Variants in KLHL32 observed in about 807,000 individuals in gnomAD.
KLHL32 encodes kelch like family member 32.
Under a neutral mutation model 64.8 loss-of-function variants are expected in KLHL32, and 35 were observed. That is an observed-to-expected ratio of 0.54 (90% confidence interval 0.41 to 0.72). KLHL32 has a LOEUF of 0.72. Ranked by LOEUF, KLHL32 falls within the 30% of genes least tolerant of loss-of-function variation. The pLI, the probability that KLHL32 is intolerant of heterozygous loss-of-function variation, is 0.00. For missense variants in KLHL32, 589 were observed against 768.5 expected, an observed-to-expected ratio of 0.77 and a Z score of 2.76; for synonymous variants, 259 against 281.0, an observed-to-expected ratio of 0.92 and a Z score of 0.78.
At chr6:97,124,323 A>G (rs189300333) in intron 7 of KLHL32, among the ~76,000 whole-genome samples, 1 of 152,190 alleles carries the variant, frequency 6.6e-6, no homozygotes, top group African/African-American at 2.4e-5. Context: ...CCAACTAGTA[A>G]CTTAATATCT....
In KLHL32 at chr6:97,139,245, C is replaced by T; in HGVS notation, c.1826C>T (p.Thr609Ile). 1.2e-6 allele frequency: 2 copies of T among 1,614,072 alleles called. No individual in the cohort carries two copies. The highest frequency in any genetic ancestry group is 1.3e-5 in the African/African-American group (1 of 75,050). Residue 609 changes from threonine (T) to isoleucine (I), a missense_variant, in exon 11 of 11, where the codon ACT becomes ATT. Thr to Ile is a moderately conservative substitution (Grantham distance 89, BLOSUM62 -1). Transcript: ENST00000369261. ...APYFTCPNLQ[T>I]LQVPHHRIGT... ...TATTTTACATGCCCTAACCTTCAAA[C>T]TCTTCAAGTGCCTCATCACAGGATT...
chr6:97,013,529 C>G (rs1193934281), intron 3 of KLHL32, among the ~76,000 whole-genome samples: 1 of 152,162 alleles, frequency 6.6e-6, no homozygotes. Flanking sequence ...TCACCCTGCT[C>G]TCCCCACCAC....
At chr6:97,015,236 A>G (rs535279182) in intron 3 of KLHL32, among the ~76,000 whole-genome samples, 1 of 152,314 alleles carries the variant, frequency 6.6e-6, no homozygotes, top group African/African-American at 2.4e-5. Context: ...CAGTACAGGA[A>G]ATTGATACTG....
intron 1 of KLHL32, among the ~76,000 whole-genome samples, chr6:96,953,858 T>C (rs1316056782): frequency 2.0e-5 from 3 of 151,788 alleles, no homozygotes; most frequent in Non-Finnish European, 4.4e-5. Context: ...AGTTGTCTTT[T>C]TTTTTTTTTG....
intron 6 of KLHL32, among the ~76,000 whole-genome samples, chr6:97,103,199 A>C (rs1248516712): frequency 6.7e-6 from 1 of 150,038 alleles, no homozygotes; most frequent in African/African-American, 2.5e-5. Context: ...CAATTTACTA[A>C]AACTTGAATT....
intron 3 of KLHL32, among the ~76,000 whole-genome samples, chr6:97,015,935 A>G (rs1426823707): frequency 6.6e-6 from 1 of 152,236 alleles, no homozygotes; most frequent in East Asian, 1.9e-4. Flanking sequence ...TTCAGAGGGC[A>G]CAAGCTCCAA....
intron 4 of KLHL32, among the ~76,000 whole-genome samples, chr6:97,058,032 T>C (rs932212133): frequency 2.6e-5 from 4 of 152,186 alleles, no homozygotes; most frequent in Non-Finnish European, 5.9e-5. Flanking sequence ...ATCTATAATA[T>C]TATCTATGCT....
At chr6:97,084,966 G>A (rs1793161921) in intron 5 of KLHL32, among the ~76,000 whole-genome samples, 160 bp from the exon 6 acceptor site, 1 of 151,944 alleles carries the variant, frequency 6.6e-6, no homozygotes, top group Non-Finnish European at 1.5e-5. Flanking sequence ...TCTCTATGCA[G>A]AACTTTATAA....
chr6:96,990,733 G>C (rs995508313), intron 3 of KLHL32, among the ~76,000 whole-genome samples: 1 of 151,882 alleles, frequency 6.6e-6, no homozygotes, highest in Non-Finnish European at 1.5e-5. Flanking sequence ...GAGTTGGGCA[G>C]CTGTGTTATG....
intron 5 of KLHL32, among the ~76,000 whole-genome samples, chr6:97,072,831 A>G (rs1245601775): frequency 6.6e-6 from 1 of 152,046 alleles, no homozygotes; most frequent in African/African-American, 2.4e-5. Flanking sequence ...ATCTTCTGGG[A>G]GGCCATATTG....
rs142153995 is a variant in KLHL32 at position 97,086,882 on chromosome 6, A to G, written c.627+1541A>G. 8.7e-3 allele frequency among the ~76,000 whole-genome samples: 1,325 copies of G among 152,348 alleles called. 18 individuals are homozygous for G. The highest frequency in any genetic ancestry group is 0.029 in the African/African-American group (1,206 of 41,576). On this transcript the variant is annotated intron_variant, in intron 6 of 10. Coordinates refer to ENST00000369261, the MANE Select transcript of KLHL32 (RefSeq NM_052904.4). ...AGGGAAAAAGAAAGATTTGGAATGA[A>G]TCCTGCATTTAATTTTTTCTAACTG...
Position 97,114,328 on chromosome 6 carries a change from T to C in KLHL32, c.1173T>C (p.Phe391=), listed in dbSNP as rs1797588961. ...CCATGAAAAACTGCCGGGAGCATTT[T>C]GTGCTGGGTGCCATGGAGGAATACC... is the stretch of plus-strand genomic sequence containing the variant. ...IAPMKNCREH[F]VLGAMEEYLY... Residue 391 remains phenylalanine, a synonymous_variant, in exon 7 of 11, where the codon TTT becomes TTC. Coordinates refer to ENST00000369261, the MANE Select transcript of KLHL32 (RefSeq NM_052904.4). The C allele has an allele frequency of 1.2e-6, 2 of 1,614,060 alleles. No homozygotes were observed. Among genetic ancestry groups the C allele is most frequent in the African/African-American group, 2.7e-5 (2 of 74,940 alleles).
intron 3 of KLHL32, among the ~76,000 whole-genome samples, chr6:96,997,197 T>C (rs1037005189): frequency 2.0e-5 from 3 of 152,150 alleles, no homozygotes; most frequent in African/African-American, 7.2e-5. Flanking sequence ...GCTATGTGTA[T>C]GAAGATGTCT....
chr6:97,096,734 C>G (rs1357264156), intron 6 of KLHL32, among the ~76,000 whole-genome samples: 1 of 152,214 alleles, frequency 6.6e-6, no homozygotes, highest in South Asian at 2.1e-4. Context: ...GAGGCATGCC[C>G]TCTGATGGAT....
At chr6:97,100,990 T>TAG (rs1305138481) in intron 6 of KLHL32, among the ~76,000 whole-genome samples, 2 of 141,282 alleles carry the variant, frequency 1.4e-5, no homozygotes, top group Non-Finnish European at 3.1e-5. Flanking sequence ...TTTTTTTTGG[T>TAG]AGAGACAGGG....
the KLHL32 span, among the ~76,000 whole-genome samples, chr6:96,905,699 A>T: frequency 6.6e-6 from 1 of 152,226 alleles, no homozygotes; most frequent in South Asian, 2.1e-4. Context: ...ATTAGCTATT[A>T]TTCTTTTATA....
At chr6:96,974,826 C>G (rs1775516211) in intron 2 of KLHL32, among the ~76,000 whole-genome samples, 3 of 152,226 alleles carry the variant, frequency 2.0e-5, no homozygotes, top group Non-Finnish European at 4.4e-5. Context: ...CTGAGAAACT[C>G]TTTCACATTC....
chr6:96,930,284 T>C (rs1769699894), intron 1 of KLHL32, among the ~76,000 whole-genome samples: 1 of 152,172 alleles, frequency 6.6e-6, no homozygotes, highest in Admixed American at 6.6e-5. Flanking sequence ...TGATTTTTAG[T>C]TCTACAATTG....
In KLHL32 at chr6:97,130,847, A is replaced by C; in HGVS notation, c.1504A>C (p.Asn502His). The C allele has an allele frequency of 6.2e-7, 1 of 1,614,178 alleles. No homozygotes were observed. The highest frequency in any genetic ancestry group is 2.2e-5 in the East Asian group (1 of 44,874). The change falls in exon 9 of 11, where the codon AAT becomes CAT. Residue 502 changes from asparagine (N) to histidine (H), a missense_variant. Physicochemically the swap from Asn to His is moderately conservative, Grantham distance 68 (BLOSUM62 1). Coordinates refer to ENST00000369261, the MANE Select transcript of KLHL32 (RefSeq NM_052904.4). ...VQRKLYVLGG[N>H]DLDYNNDRIL... ...AAGGAAGCTTTATGTTCTTGGAGGC[A>C]ATGACCTAGACTACAATAATGACCG... is the stretch of plus-strand genomic sequence containing the variant.
Sources: gnomAD v4.1 joint callset for allele counts (sites outside exome capture counted in the v4.1 genomes callset) on GRCh38, gnomAD v4.1.1 for gene constraint, MANE v1.5 for transcripts, NCBI Gene and HGNC (gene_info 2026-07-23, HGNC 2026-07-21) for gene names.